The following ENPP2 variants were observed in gnomAD, a reference collection of about 807,000 sequenced individuals.
The protein encoded by ENPP2 is autotaxin.
In ENPP2, 51 loss-of-function variants were observed where a neutral mutation model predicts 120.2. The ratio of observed to expected loss-of-function variants is 0.42; its 90% CI spans 0.34 to 0.54. The LOEUF is 0.54. ENPP2 is among the 20% of genes least tolerant of loss of function. The probability of loss-of-function intolerance (pLI) is 0.04; values close to 1 mark genes in which losing one functional copy is unlikely to be tolerated. For synonymous variants in ENPP2, 365 were observed against 366.4 expected, an observed-to-expected ratio of 1.00 and a Z score of 0.04; for missense variants, 920 against 1,066.5, an observed-to-expected ratio of 0.86 and a Z score of 1.91.
intron 13 of ENPP2, among the ~76,000 whole-genome samples, chr8:119,588,134 G>A (rs1360512886): frequency 2.6e-5 from 4 of 152,150 alleles, no homozygotes; most frequent in African/African-American, 4.8e-5. Flanking sequence ...ACTAAAATGT[G>A]TATTCCATTG....
chr8:119,599,566 G>T (rs919608022), intron 11 of ENPP2, among the ~76,000 whole-genome samples: 1 of 152,160 alleles, frequency 6.6e-6, no homozygotes, highest in African/African-American at 2.4e-5. Flanking sequence ...GGTTAGATTT[G>T]CAAACTCCAT....
chr8:119,660,470 G>T (rs754875787), intron 1 of ENPP2, among the ~76,000 whole-genome samples: 2 of 152,118 alleles, frequency 1.3e-5, no homozygotes, highest in Non-Finnish European at 2.9e-5. Context: ...TCTTGTCTTT[G>T]AAAAGGACAG....
chr8:119,640,006 A>G (rs1817226575), upstream of ENPP2, among the ~76,000 whole-genome samples: 1 of 152,212 alleles, frequency 6.6e-6, no homozygotes. Context: ...CAAATACGAG[A>G]CTTACCATGC....
intron 11 of ENPP2, among the ~76,000 whole-genome samples, chr8:119,595,653 G>A (rs923107242): frequency 1.3e-5 from 2 of 152,078 alleles, no homozygotes; most frequent in South Asian, 2.1e-4. Context: ...TTTTTTTCCT[G>A]TCATGTTGAG....
intron 12 of ENPP2, chr8:119,593,040 G>A (rs1203027031): frequency 2.7e-6 from 2 of 737,558 alleles, no homozygotes; most frequent in East Asian, 1.3e-4. Flanking sequence ...CGGAATACAG[G>A]AGATACCCTT....
chr8:119,600,561 C>T, intron 11 of ENPP2, 117 bp downstream of exon 11: 1 of 671,260 alleles, frequency 1.5e-6, no homozygotes, highest in Non-Finnish European at 2.6e-6. Flanking sequence ...TTTGACTTTG[C>T]ATAAACCTTG....
At position 119,587,089 on chromosome 8, in the gene ENPP2, G is replaced by A. The variant is rs760970508; in HGVS notation, c.1208-14C>T. Reference sequence around the variant, plus strand: ...CTTTGGGGTCATCTGTTCAAAGAGAGGAGAAAGATTTCAAAAGAAATAACA... The same window carrying A: ...CTTTGGGGTCATCTGTTCAAAGAGAAGAGAAAGATTTCAAAAGAAATAACA... On this transcript the variant is annotated splice_polypyrimidine_tract_variant and intron_variant, in intron 13 of 24. Coordinates refer to ENST00000075322, the MANE Select transcript of ENPP2 (RefSeq NM_001040092.3). 9 of 1,602,056 alleles carry A rather than the reference G, an allele frequency of 5.6e-6. No homozygotes were observed. The highest frequency in any genetic ancestry group is 1.7e-5 in the Admixed American group (1 of 58,216).
At chr8:119,628,523 A>G (rs1563751905) in intron 2 of ENPP2, among the ~76,000 whole-genome samples, 3 of 152,200 alleles carry the variant, frequency 2.0e-5, no homozygotes, top group South Asian at 4.1e-4. Context: ...CCGTCAAGAA[A>G]GAAAGAATCG....
At chr8:119,665,706 T>C (rs1321051512) in intron 1 of ENPP2, among the ~76,000 whole-genome samples, 3 of 152,226 alleles carry the variant, frequency 2.0e-5, no homozygotes, top group East Asian at 3.8e-4. Flanking sequence ...TATACACATA[T>C]GTAAAAATCT....
rs61758149 is a variant in ENPP2 at position 119,563,009 on chromosome 8, C to T, written c.2269G>A (p.Val757Met). Residue 757 changes from valine to methionine, a missense_variant, in exon 24 of 25, where the codon GTG becomes ATG. Coordinates refer to ENST00000075322, the MANE Select transcript of ENPP2 (RefSeq NM_001040092.3). Reference sequence around the variant, plus strand: ...GGAACAGGAATGGAACTGCCTTCCACGTACCTGAAACAGGAAGGTAAAACG... The same window carrying T: ...GGAACAGGAATGGAACTGCCTTCCATGTACCTGAAACAGGAAGGTAAAACG... The part of the protein sequence containing the change: ...HDTEDKIKQY[V>M]EGSSIPVPTH... 1.4e-3 allele frequency: 2,275 copies of T among 1,612,450 alleles called. 1 individual carries two copies. The highest frequency in any genetic ancestry group is 1.7e-3 in the Non-Finnish European group (1,970 of 1,179,094).
intron 1 of ENPP2, among the ~76,000 whole-genome samples, chr8:119,668,512 C>T (rs1320145665): frequency 2.7e-5 from 4 of 148,158 alleles, no homozygotes; most frequent in African/African-American, 1.0e-4. Flanking sequence ...TCACTGCAAC[C>T]TCCACCTCCC....
rs115865552 is a variant in ENPP2, at chr8:119,635,658, G to A, written c.136+2767C>T. On this transcript the variant is annotated intron_variant, in intron 2 of 24. Coordinates refer to ENST00000075322, the MANE Select transcript of ENPP2 (RefSeq NM_001040092.3). ...GAAAATTTATTCCACCCATCTCACC[G>A]TCTCATTAACCTGAATGCCCATTGT... is the stretch of plus-strand genomic sequence containing the variant. 7.3e-3 allele frequency among the ~76,000 whole-genome samples: 1,115 copies of A among 152,248 alleles called. 11 individuals are homozygous for A. Among genetic ancestry groups the A allele is most frequent in the African/African-American group, 0.026 (1,065 of 41,552 alleles).
upstream of ENPP2, among the ~76,000 whole-genome samples, chr8:119,639,974 A>G (rs567756755): frequency 6.6e-5 from 10 of 152,332 alleles, no homozygotes; most frequent in Admixed American, 4.6e-4. Flanking sequence ...TTTCTTCCGC[A>G]GCACATGTGT....
intron 9 of ENPP2, among the ~76,000 whole-genome samples, chr8:119,605,808 T>G (rs547637702): frequency 2.8e-4 from 43 of 152,238 alleles, no homozygotes; most frequent in Admixed American, 5.2e-4. Flanking sequence ...GACATGGATT[T>G]GTTGAGAGAT....
At chr8:119,668,348 G>C (rs1436953956) in intron 1 of ENPP2, among the ~76,000 whole-genome samples, 1 of 151,512 alleles carries the variant, frequency 6.6e-6, no homozygotes, top group Non-Finnish European at 1.5e-5. Flanking sequence ...TCTAAATATG[G>C]TCTGAACAAT....
chr8:119,558,126 G>A (rs190343147), intron 24 of ENPP2, among the ~76,000 whole-genome samples: 64 of 152,320 alleles, frequency 4.2e-4, no homozygotes, highest in Non-Finnish European at 6.8e-4. Flanking sequence ...CCTAATGCAC[G>A]AAATGATGTG....
chr8:119,596,591 C>G (rs180897187), intron 11 of ENPP2, among the ~76,000 whole-genome samples: 18 of 152,290 alleles, frequency 1.2e-4, no homozygotes, highest in Admixed American at 5.2e-4. Flanking sequence ...AAGTAATCCT[C>G]CTTAATCATA....
chr8:119,631,186 G>A (rs1395183116), intron 2 of ENPP2, among the ~76,000 whole-genome samples: 1 of 138,374 alleles, frequency 7.2e-6, no homozygotes, highest in Non-Finnish European at 1.5e-5. Context: ...GAGCCACTGC[G>A]CCCAGCCATG....
intron 12 of ENPP2, chr8:119,592,910 G>A: frequency 1.3e-6 from 1 of 771,300 alleles, no homozygotes; most frequent in Non-Finnish European, 1.6e-6. Flanking sequence ...ACCAGAGCTA[G>A]GGAGATTTGC....
Sources: gnomAD v4.1 joint callset for allele counts (sites outside exome capture counted in the v4.1 genomes callset) on GRCh38, gnomAD v4.1.1 for gene constraint, MANE v1.5 for transcripts, NCBI Gene and HGNC (gene_info 2026-07-23, HGNC 2026-07-21) for gene names.